Variants in TMPRSS9 observed in about 807,000 individuals in gnomAD.
TMPRSS9 encodes transmembrane protease serine 9.
A neutral mutation model predicts 111.4 loss-of-function variants in TMPRSS9; 113 were observed. That is an observed-to-expected ratio of 1.01 (90% confidence interval 0.87 to 1.19). The LOEUF (loss-of-function observed/expected upper bound fraction) is 1.19. Ranked by LOEUF, TMPRSS9 falls within the 50% of genes most tolerant of loss-of-function variation. TMPRSS9 has a pLI of 0.00. For synonymous variants in TMPRSS9, 805 were observed against 659.1 expected (o/e 1.22, Z -3.39); for missense variants, 1,803 against 1,513.1 (o/e 1.19, Z -3.18).
intron 2 of TMPRSS9, among the ~76,000 whole-genome samples, chr19:2,396,913 G>GTT (rs772988224): frequency 0.025 from 3,661 of 146,390 alleles, 92 homozygotes; most frequent in African/African-American, 0.062. Context: ...ACATTTAGAG[G>GTT]TTTTTTTTTT....
chr19:2,418,101 G>C, exon 13 of TMPRSS9: 1 of 1,612,210 alleles, frequency 6.2e-7, no homozygotes, highest in Non-Finnish European at 8.5e-7. Flanking sequence ...CGCATGATCT[G>C]CGCAGGCTTC....
chr19:2,398,993 A>AATGG (rs767955080), intron 3 of TMPRSS9, 25 bp from the exon 5 acceptor site: 1 of 1,603,400 alleles, frequency 6.2e-7, no homozygotes, highest in Non-Finnish European at 8.5e-7. Context: ...CTCCCTCTCC[A>AATGG]AGGGCCTCTC....
chr19:2,424,072 G>A lies in TMPRSS9; in HGVS notation c.2549-17G>A, dbSNP rs1446553310. 5 of 1,262,412 alleles carry A rather than the reference G, an allele frequency of 4.0e-6. No individual in the cohort carries two copies. Among genetic ancestry groups the A allele is most frequent in the African/African-American group, 1.6e-5 (1 of 64,492 alleles). The allele number at this position is 1,262,412 out of a possible 1,614,324, so 78.2% of individuals were successfully genotyped here. ...GTGCCCTGGGTCCGCCTGCCCACGC[G>A]CCTGGCTCCCCCGCAGACTGTGGCC... On this transcript the variant is annotated splice_polypyrimidine_tract_variant and intron_variant, in intron 14 of 17. Transcript: ENST00000648592.
At position 2,424,188 on chromosome 19, in the gene TMPRSS9, G is replaced by A. The variant is rs761498298; in HGVS notation, c.2648G>A (p.Arg883Gln). The change falls in exon 15 of 18, where the codon CGG (arginine) becomes CAG (glutamine). Residue 883 changes from arginine (R) to glutamine (Q), a missense_variant. Coordinates refer to ENST00000648592, the Ensembl canonical transcript of TMPRSS9. The stretch of plus-strand genomic sequence containing the variant: ...CAGGTGAGCCTGTGGCTGCGGCGCC[G>A]GGAACACCGTTGCGGGGCCGTGCTG... 19 of 1,462,118 alleles carry A rather than the reference G, an allele frequency of 1.3e-5. No homozygotes were observed. The African/African-American group carries it at 1.9e-4, about 15-fold the overall frequency. 90.6% of individuals were successfully genotyped at this position (1,462,118 alleles called of 1,614,324 possible). A position where few individuals can be genotyped will look rare whatever the true frequency, so the allele number is the denominator to read the frequency against.
At chr19:2,422,882 CA>C (rs1203435310) in intron 14 of TMPRSS9, among the ~76,000 whole-genome samples, 2 of 150,500 alleles carry the variant, frequency 1.3e-5, no homozygotes, top group East Asian at 3.9e-4. Context: ...AGTGAGACTC[CA>C]GCTAGATAAT....
In TMPRSS9 at chr19:2,399,208, G is replaced by A. The variant is rs552701968; in HGVS notation, c.514+15G>A. The A allele has an allele frequency of 1.4e-5, 22 of 1,570,956 alleles. No homozygotes were observed. The highest frequency in any genetic ancestry group is 1.6e-5 in the Non-Finnish European group (19 of 1,157,722). On this transcript the variant is annotated intron_variant, in intron 4 of 17. Transcript: ENST00000648592. ...TGAGCTCACAGGTGAGTGGGCAGCC[G>A]AGACCGAAACCCCATCACGAGGAGG...
At chr19:2,377,751 C>T (rs1970351940) in intron 1 of TMPRSS9, among the ~76,000 whole-genome samples, 1 of 119,634 alleles carries the variant, frequency 8.4e-6, no homozygotes, top group Admixed American at 9.5e-5. Flanking sequence ...GTCTCACTGT[C>T]ACCCAGGCTG....
chr19:2,363,778 C>CTGTGTGTGTGTG (rs1491346219), intron 1 of TMPRSS9, among the ~76,000 whole-genome samples: 10 of 118,876 alleles, frequency 8.4e-5, no homozygotes, highest in Middle Eastern at 3.9e-3. Context: ...ATTCCAAGAA[C>CTGTGTGTGTGTG]TCTGTGTGTG....
intron 8 of TMPRSS9, among the ~76,000 whole-genome samples, chr19:2,408,924 G>A (rs1971031707): frequency 6.6e-6 from 1 of 150,602 alleles, no homozygotes; most frequent in African/African-American, 2.4e-5. Context: ...AGGAGATGGA[G>A]GTTGCACTGA....
intron 13 of TMPRSS9, among the ~76,000 whole-genome samples, chr19:2,420,553 C>A (rs916845186): frequency 6.6e-6 from 1 of 152,006 alleles, no homozygotes; most frequent in African/African-American, 2.4e-5. Flanking sequence ...CCCATTCACA[C>A]ACAGTAGTTA....
chr19:2,425,126 T>C, exon 16 of TMPRSS9: 1 of 1,582,266 alleles, frequency 6.3e-7, no homozygotes, highest in South Asian at 1.1e-5. Flanking sequence ...CACGCTCGAC[T>C]ACGACGTGGC....
exon 14 of TMPRSS9, chr19:2,422,034 C>G (rs1372469832): frequency 6.2e-6 from 10 of 1,612,884 alleles, no homozygotes; most frequent in Non-Finnish European, 8.5e-6. Context: ...CATGTCTCCC[C>G]CCTCGACCAC....
intron 6 of TMPRSS9, among the ~76,000 whole-genome samples, chr19:2,403,775 C>T (rs1013833422): frequency 1.5e-4 from 23 of 151,776 alleles, no homozygotes; most frequent in Non-Finnish European, 2.5e-4. Flanking sequence ...AGGTAGATCA[C>T]GAGGTCAGGA....
chr19:2,402,549 G>T (rs1970873300), intron 5 of TMPRSS9, among the ~76,000 whole-genome samples: 1 of 152,046 alleles, frequency 6.6e-6, no homozygotes, highest in Non-Finnish European at 1.5e-5. Flanking sequence ...AGACCAGCCT[G>T]ACCAACATGG....
chr19:2,375,644 G>T (rs746381389), intron 1 of TMPRSS9, among the ~76,000 whole-genome samples: 1 of 152,066 alleles, frequency 6.6e-6, no homozygotes, highest in Non-Finnish European at 1.5e-5. Context: ...GCAGGCTTGT[G>T]TTCAGTATGG....
rs149592965 is a variant in TMPRSS9, at chr19:2,416,670, C to G, written c.1878C>G (p.Asp626Glu). Residue 626 changes from aspartate (D) to glutamate (E), a missense_variant, in exon 12 of 18, where the codon GAC becomes GAG. By Grantham distance (45) the Asp-to-Glu change is conservative (BLOSUM62 2). Coordinates refer to ENST00000648592, the Ensembl canonical transcript of TMPRSS9. ...ACAACCCTGGCATCCTGGACTTCGA[C>G]CTGGCTGTCCTGGAGCTGGCCAGCC... is the stretch of plus-strand genomic sequence containing the variant. The G allele has an allele frequency of 9.9e-6, 16 of 1,613,004 alleles. No homozygotes were observed. In the African/African-American group the frequency reaches 2.0e-4, roughly 20 times the overall value.
At chr19:2,390,950 T>C (rs1300624994) in intron 1 of TMPRSS9, among the ~76,000 whole-genome samples, 2 of 150,700 alleles carry the variant, frequency 1.3e-5, no homozygotes, top group Admixed American at 6.7e-5. Context: ...GAGCAGATCA[T>C]GAGGTCAGGA....
rs1971591333 is a variant in TMPRSS9, at chr19:2,425,339, T to TCGCTCGCCCGCC, written c.2984-14_2984-3dup. The TCGCTCGCCCGCC allele has an allele frequency of 4.1e-6, 6 of 1,448,732 alleles. No homozygotes were observed. The highest frequency in any genetic ancestry group is 5.4e-6 in the Non-Finnish European group (6 of 1,103,348). 89.7% of individuals were successfully genotyped at this position (1,448,732 alleles called of 1,614,324 possible). A position where few individuals can be genotyped will look rare whatever the true frequency, so the allele number is the denominator to read the frequency against. ...GGACGCGGTCCCCACCCGCCCCGTC[T>TCGCTCGCCCGCC]CGCTCGCCCGCCCGCAGGCTCCATG... On this transcript the variant is annotated splice_polypyrimidine_tract_variant and intron_variant, in intron 16 of 17. Coordinates refer to ENST00000648592, the Ensembl canonical transcript of TMPRSS9.
At position 2,418,251 on chromosome 19, in the gene TMPRSS9, C is replaced by CTG. The variant is rs1568189029; in HGVS notation, c.2154+113_2154+114insTG. On this transcript the variant is annotated intron_variant, in intron 13 of 17. Coordinates refer to ENST00000648592, the Ensembl canonical transcript of TMPRSS9. ...TTTTTTTCCTTTCTTTCCTTCCCCC[C>CTG]CTCCTTCCCTCCTTGTCCTTCCCTC... The CTG allele has an allele frequency of 1.6e-5, 18 of 1,126,110 alleles. No individual in the cohort carries two copies. The African/African-American group carries it at 3.1e-4, about 19-fold the overall frequency. 69.8% of individuals were successfully genotyped at this position (1,126,110 alleles called of 1,614,324 possible).
Sources: gnomAD v4.1 joint callset for allele counts (sites outside exome capture counted in the v4.1 genomes callset) on GRCh38, gnomAD v4.1.1 for gene constraint, MANE v1.5 for transcripts, NCBI Gene and HGNC (gene_info 2026-07-23, HGNC 2026-07-21) for gene names.